Variants in CDC42BPA observed in about 807,000 individuals in gnomAD.
CDC42BPA encodes CDC42 binding protein kinase alpha.
A neutral mutation model predicts 223.5 loss-of-function variants in CDC42BPA; 80 were observed. That is an observed-to-expected ratio of 0.36 (90% CI 0.30 to 0.43). The LOEUF is 0.43. CDC42BPA is among the 20% of genes least tolerant of loss of function. The pLI, the probability that CDC42BPA is intolerant of heterozygous loss-of-function variation, is 1.00. For synonymous variants in CDC42BPA, 694 were observed against 718.6 expected, an observed-to-expected ratio of 0.97 and a Z score of 0.55; for missense variants, 1,743 against 2,099.9, an observed-to-expected ratio of 0.83 and a Z score of 3.32.
At chr1:227,277,205 C>G (rs937730852) in intron 1 of CDC42BPA, among the ~76,000 whole-genome samples, 2 of 150,718 alleles carry the variant, frequency 1.3e-5, no homozygotes, top group Non-Finnish European at 1.5e-5. Context: ...GGGCAAATTC[C>G]TAGAAAAACT....
chr1:227,032,857 C>T (rs1013469253), intron 27 of CDC42BPA, among the ~76,000 whole-genome samples: 30 of 152,200 alleles, frequency 2.0e-4, no homozygotes, highest in African/African-American at 6.5e-4. Context: ...GCAGTCACAT[C>T]AGTGACACTA....
At chr1:227,094,625 C>T (rs1395356732) in intron 15 of CDC42BPA, among the ~76,000 whole-genome samples, 3 of 152,194 alleles carry the variant, frequency 2.0e-5, no homozygotes, top group Non-Finnish European at 4.4e-5. Context: ...CTTCTTCCTT[C>T]AGGTCAGAAG....
At chr1:227,181,158 G>T (rs1023382616) in intron 5 of CDC42BPA, among the ~76,000 whole-genome samples, 4 of 151,968 alleles carry the variant, frequency 2.6e-5, no homozygotes, top group African/African-American at 7.3e-5. Context: ...AAATTAAAGT[G>T]CATCTATTCA....
chr1:227,137,823 G>GA (rs1658894244), intron 10 of CDC42BPA, among the ~76,000 whole-genome samples: 1 of 152,068 alleles, frequency 6.6e-6, no homozygotes, highest in South Asian at 2.1e-4. Flanking sequence ...CATTAATGGT[G>GA]AAACAACTTA....
intron 12 of CDC42BPA, among the ~76,000 whole-genome samples, chr1:227,114,340 T>C (rs1396562045): frequency 6.6e-6 from 1 of 151,438 alleles, no homozygotes; most frequent in Non-Finnish European, 1.5e-5. Context: ...AGAAGATAAT[T>C]AAAATTATAT....
intron 21 of CDC42BPA, 166 bp downstream of exon 21, chr1:227,069,611 C>T: frequency 4.1e-6 from 2 of 488,046 alleles, no homozygotes; most frequent in Non-Finnish European, 7.5e-6. Flanking sequence ...TTATAGTCTC[C>T]ATAAGAATGC....
At chr1:227,170,862 T>TG (rs1274754163) in intron 5 of CDC42BPA, among the ~76,000 whole-genome samples, 4 of 152,192 alleles carry the variant, frequency 2.6e-5, no homozygotes, top group African/African-American at 9.7e-5. Flanking sequence ...ATAAATACCC[T>TG]GCATGACACA....
intron 15 of CDC42BPA, among the ~76,000 whole-genome samples, chr1:227,100,622 A>C (rs577342741): frequency 1.3e-5 from 2 of 151,512 alleles, no homozygotes; most frequent in South Asian, 2.1e-4. Context: ...TCCCTGGTAG[A>C]GATAGGGTTT....
intron 14 of CDC42BPA, among the ~76,000 whole-genome samples, chr1:227,101,982 C>T (rs1290734772): frequency 1.3e-5 from 2 of 152,120 alleles, no homozygotes; most frequent in Non-Finnish European, 2.9e-5. Context: ...TGTAAGATTT[C>T]CTAAGCTTTG....
chr1:227,157,270 G>A lies in CDC42BPA; in HGVS notation c.693+3273C>T, dbSNP rs1319265036. On this transcript the variant is annotated intron_variant, in intron 6 of 36. Coordinates refer to ENST00000366766, the MANE Select transcript of CDC42BPA (RefSeq NM_001394014.1). ...CAAACAGTATCATTTCCTTTGACAT[G>A]GAGGACATTCTTTAGCATTCAGGCC... Among the ~76,000 whole-genome samples the A allele has an allele frequency of 2.0e-5, 3 of 152,214 alleles. No homozygotes were observed. The East Asian group carries it at 5.8e-4, about 29-fold the overall frequency.
chr1:227,129,164 A>G lies in CDC42BPA; in HGVS notation c.1458T>C (p.Asp486=), dbSNP rs1350067753. 2 of 1,566,934 alleles carry G rather than the reference A, an allele frequency of 1.3e-6. No homozygotes were observed. The highest frequency in any genetic ancestry group is 2.2e-5 in the East Asian group (1 of 44,556). ...TVDGPLTASK[D]LEIKNLKEEI... is the part of the protein sequence containing the mutation. The stretch of plus-strand genomic sequence containing the variant: ...CTTCTTTTAAGTTTTTTATTTCTAA[A>G]TCTTTGCTTGCTGTTAGTGGACCAT... Residue 486 remains aspartate, a synonymous_variant, in exon 11 of 37, where the codon GAT becomes GAC. Coordinates refer to ENST00000366766, the MANE Select transcript of CDC42BPA (RefSeq NM_001394014.1).
chr1:227,183,981 T>G (rs1385011666), intron 5 of CDC42BPA, among the ~76,000 whole-genome samples: 1 of 152,234 alleles, frequency 6.6e-6, no homozygotes, highest in Non-Finnish European at 1.5e-5. Context: ...ATGTGCTTAC[T>G]TGCCATCTCT....
At position 227,112,761 on chromosome 1, in the gene CDC42BPA, G is replaced by C. The variant is rs138573744; in HGVS notation, c.1800C>G (p.Val600=). 26 of 1,613,758 alleles carry C rather than the reference G, an allele frequency of 1.6e-5. No homozygotes were observed. The highest frequency in any genetic ancestry group is 2.2e-5 in the Non-Finnish European group (26 of 1,179,972). Residue 600 remains valine, a synonymous_variant, in exon 13 of 37, where the codon GTC becomes GTG. Coordinates refer to ENST00000366766, the MANE Select transcript of CDC42BPA (RefSeq NM_001394014.1). The part of the protein sequence containing the change: ...HTQKQKLARH[V]RDKEEEVDLV... The stretch of plus-strand genomic sequence containing the variant: ...GGTCCACCTCTTCTTCCTTATCTCG[G>C]ACATGGCGAGCAAGTTTCTGTTTTT...
At chr1:227,311,304 A>G (rs1340219643) in intron 1 of CDC42BPA, among the ~76,000 whole-genome samples, 2 of 152,172 alleles carry the variant, frequency 1.3e-5, no homozygotes, top group Non-Finnish European at 2.9e-5. Context: ...GGCTGTAGTG[A>G]GCCATGATGG....
intron 1 of CDC42BPA, among the ~76,000 whole-genome samples, chr1:227,288,618 C>T (rs1028037812): frequency 6.6e-6 from 1 of 151,968 alleles, no homozygotes; most frequent in Admixed American, 6.6e-5. Context: ...ATTGCTTGAA[C>T]CCGGGAGGCG....
intron 2 of CDC42BPA, among the ~76,000 whole-genome samples, chr1:227,237,047 A>T (rs1679181076): frequency 9.2e-6 from 1 of 108,882 alleles, no homozygotes; most frequent in Non-Finnish European, 2.0e-5. Flanking sequence ...GGTCTCCACA[A>T]AAAAAAAAAA....
intron 24 of CDC42BPA, among the ~76,000 whole-genome samples, chr1:227,037,589 G>C (rs1370687909): frequency 6.6e-6 from 1 of 152,152 alleles, no homozygotes; most frequent in African/African-American, 2.4e-5. Flanking sequence ...CTAACTACAA[G>C]TCTATTATAA....
At chr1:227,117,978 C>T (rs556237579) in intron 12 of CDC42BPA, among the ~76,000 whole-genome samples, 1 of 148,694 alleles carries the variant, frequency 6.7e-6, no homozygotes, top group Non-Finnish European at 1.5e-5. Flanking sequence ...AAGCATTTCA[C>T]AAAAGAAATG....
At chr1:227,284,119 A>T (rs10495253) in intron 1 of CDC42BPA, among the ~76,000 whole-genome samples, 95,424 of 151,982 alleles carry the variant, frequency 0.63, 30,125 homozygotes, top group East Asian at 0.74. Flanking sequence ...TAATGAATAA[A>T]CCATAAACTA....
Sources: allele counts gnomAD v4.1 joint callset (sites outside exome capture counted in the v4.1 genomes callset), GRCh38; gene constraint gnomAD v4.1.1; transcripts MANE v1.5; gene names NCBI Gene and HGNC (gene_info 2026-07-23, HGNC 2026-07-21).